FARS2: variants seen among roughly 807,000 people sequenced by gnomAD.
FARS2 encodes phenylalanine--tRNA ligase, mitochondrial.
Under a neutral mutation model 46.4 loss-of-function variants are expected in FARS2, and 40 were observed. That is an observed-to-expected ratio of 0.86 (90% CI 0.67 to 1.12). The LOEUF (loss-of-function observed/expected upper bound fraction) is 1.12. Among genes scored for constraint, FARS2 ranks in the 50% most tolerant of loss-of-function variants. FARS2 has a pLI of 0.00. For missense variants in FARS2, 513 were observed against 567.9 expected, an observed-to-expected ratio of 0.90 and a Z score of 0.98; for synonymous variants, 234 against 214.9, an observed-to-expected ratio of 1.09 and a Z score of -0.78.
intron 2 of FARS2, among the ~76,000 whole-genome samples, chr6:5,378,145 A>G (rs759025570): frequency 6.6e-6 from 1 of 152,172 alleles, no homozygotes; most frequent in Admixed American, 6.5e-5. Context: ...TGTTCAGTTC[A>G]TATACCACCC....
intron 1 of FARS2, among the ~76,000 whole-genome samples, chr6:5,318,387 C>CA (rs753113504): frequency 0.054 from 4,145 of 77,050 alleles, 87 homozygotes; most frequent in Non-Finnish European, 0.068. Context: ...AAAAAAAAAC[C>CA]AAAAAAAAAA....
chr6:5,600,035 C>T (rs1276568860), intron 5 of FARS2, among the ~76,000 whole-genome samples: 1 of 152,138 alleles, frequency 6.6e-6, no homozygotes, highest in Non-Finnish European at 1.5e-5. Context: ...CACTGTAGCT[C>T]CATTTTCCAA....
In FARS2 at chr6:5,679,821, T is replaced by C. The variant is rs1419071552; in HGVS notation, c.1217+66501T>C. Among the ~76,000 whole-genome samples, 46 of 152,198 alleles carry C rather than the reference T, an allele frequency of 3.0e-4. 1 individual carries two copies. The highest frequency in any genetic ancestry group is 5.9e-5 in the Non-Finnish European group (4 of 68,016). On this transcript the variant is annotated intron_variant, in intron 6 of 6. Coordinates refer to ENST00000274680, the MANE Select transcript of FARS2 (RefSeq NM_006567.5). ...CCCAAAACTCCTATCTTTTTTGTCC[T>C]GACTCAGAGGAACCCTCACTTCCCC...
At chr6:5,549,309 C>A (rs1771232613) in intron 5 of FARS2, among the ~76,000 whole-genome samples, 1 of 151,952 alleles carries the variant, frequency 6.6e-6, no homozygotes, top group African/African-American at 2.4e-5. Flanking sequence ...TTAGGTATTT[C>A]TCCTAATGTT....
chr6:5,731,089 G>A (rs955833752), intron 6 of FARS2, among the ~76,000 whole-genome samples: 5 of 152,172 alleles, frequency 3.3e-5, no homozygotes, highest in South Asian at 2.1e-4. Flanking sequence ...GCCCGCCCCC[G>A]ATGATTGTCA....
At chr6:5,401,434 C>T (rs1175623249) in intron 2 of FARS2, among the ~76,000 whole-genome samples, 1 of 152,118 alleles carries the variant, frequency 6.6e-6, no homozygotes, top group Non-Finnish European at 1.5e-5. Flanking sequence ...CTACTTTCCT[C>T]TTTGCTGCTT....
intron 4 of FARS2, among the ~76,000 whole-genome samples, chr6:5,515,586 G>A (rs59260375): frequency 0.11 from 16,793 of 152,096 alleles, 993 homozygotes; most frequent in Admixed American, 0.16. Flanking sequence ...GCACCAGCAC[G>A]CCCAACTAAT....
intron 5 of FARS2, among the ~76,000 whole-genome samples, chr6:5,582,568 C>G (rs1338635455): frequency 1.3e-5 from 2 of 152,136 alleles, no homozygotes; most frequent in Admixed American, 6.5e-5. Context: ...TACGAAATTG[C>G]TTTTTTAGGT....
At chr6:5,259,578 T>TA (rs140729251), upstream of FARS2, among the ~76,000 whole-genome samples, 6,787 of 152,260 alleles carry the variant, frequency 0.045, 226 homozygotes, top group East Asian at 0.1. Flanking sequence ...ACAGAGGTTG[T>TA]ACTGGGCAGA....
intron 2 of FARS2, among the ~76,000 whole-genome samples, chr6:5,392,562 G>A (rs1760585608): frequency 1.3e-5 from 2 of 151,940 alleles, no homozygotes; most frequent in Admixed American, 1.3e-4. Context: ...AAAGTATTAT[G>A]TAGTTATTAA....
intron 1 of FARS2, among the ~76,000 whole-genome samples, chr6:5,296,001 A>G (rs984187890): frequency 6.6e-6 from 1 of 152,140 alleles, no homozygotes; most frequent in Non-Finnish European, 1.5e-5. Context: ...TGCCAGGCGC[A>G]TGCTAAACAC....
In FARS2 at chr6:5,719,411, A is replaced by AAG. The variant is rs1554129016; in HGVS notation, c.1218-51880_1218-51879insAG. On this transcript the variant is annotated intron_variant, in intron 6 of 6. Coordinates refer to ENST00000274680, the MANE Select transcript of FARS2 (RefSeq NM_006567.5). Reference sequence around the variant, plus strand: ...CAAAAAAAATTAAAAAAAAAAAAAAAGGAAGAAGAAAGAAAAAGAAAGGAA... The same window carrying AAG: ...CAAAAAAAATTAAAAAAAAAAAAAAAAGGGAAGAAGAAAGAAAAAGAAAGGAA... Among the ~76,000 whole-genome samples the AAG allele has an allele frequency of 4.9e-3, 614 of 126,192 alleles. 5 individuals carry two copies. Among genetic ancestry groups the AAG allele is most frequent in the African/African-American group, 0.017 (570 of 33,172 alleles). 82.8% of individuals were successfully genotyped at this position (126,192 alleles called of 152,430 possible).
At chr6:5,597,213 G>A (rs146766458) in intron 5 of FARS2, among the ~76,000 whole-genome samples, 86 of 152,334 alleles carry the variant, frequency 5.6e-4, no homozygotes, top group African/African-American at 2.0e-3. Context: ...ATTCACCCAT[G>A]TTTTGTTATT....
intron 6 of FARS2, among the ~76,000 whole-genome samples, chr6:5,651,011 G>A (rs1399279285): frequency 6.6e-6 from 1 of 152,164 alleles, no homozygotes; most frequent in Non-Finnish European, 1.5e-5. Flanking sequence ...GATTAAAGAT[G>A]GCAGATTGAA....
intron 5 of FARS2, among the ~76,000 whole-genome samples, chr6:5,551,850 T>G (rs1034742921): frequency 6.6e-6 from 1 of 152,142 alleles, no homozygotes; most frequent in African/African-American, 2.4e-5. Flanking sequence ...TGTAAACACC[T>G]CACCCTCTCT....
At chr6:5,688,515 G>GT (rs1457123767) in intron 6 of FARS2, among the ~76,000 whole-genome samples, 6 of 152,158 alleles carry the variant, frequency 3.9e-5, no homozygotes, top group African/African-American at 9.7e-5. Flanking sequence ...ATCGATTTGC[G>GT]TATGTTGAAG....
chr6:5,712,854 G>C (rs1444036877), intron 6 of FARS2, among the ~76,000 whole-genome samples: 1 of 152,212 alleles, frequency 6.6e-6, no homozygotes, highest in African/African-American at 2.4e-5. Context: ...GGCATGCACA[G>C]AGGAACCTGT....
chr6:5,393,779 G>A (rs1265795807), intron 2 of FARS2, among the ~76,000 whole-genome samples: 3 of 152,362 alleles, frequency 2.0e-5, no homozygotes, highest in South Asian at 2.1e-4. Flanking sequence ...CTCTTTGACC[G>A]TGGGTATTAG....
rs1278425527 is a variant in FARS2 at position 5,765,731 on chromosome 6, A to G, written c.1218-5560A>G. 6.6e-6 allele frequency among the ~76,000 whole-genome samples: 1 copy of G among 152,166 alleles called. No individual in the cohort carries two copies. The highest frequency in any genetic ancestry group is 1.5e-5 in the Non-Finnish European group (1 of 68,026). On this transcript the variant is annotated intron_variant, in intron 6 of 6. Coordinates refer to ENST00000274680, the MANE Select transcript of FARS2 (RefSeq NM_006567.5). This position sits in a 1 kb window ranked among gnomAD's most constrained non-coding sequence, Gnocchi z 4.0. Reference sequence around the variant, plus strand: ...TGCTGTCATGGGCGTACTAGGGAACAGTCCTTTGCTCAGCCGGCTCCTGGG... The same window carrying G: ...TGCTGTCATGGGCGTACTAGGGAACGGTCCTTTGCTCAGCCGGCTCCTGGG...
Sources: allele counts gnomAD v4.1 joint callset (sites outside exome capture counted in the v4.1 genomes callset), GRCh38; gene constraint gnomAD v4.1.1; non-coding constraint Gnocchi (gnomAD v3.1); transcripts MANE v1.5; gene names NCBI Gene and HGNC (gene_info 2026-07-23, HGNC 2026-07-21).